TMEM132C: variants seen among roughly 807,000 people sequenced by gnomAD.
TMEM132C encodes the protein protein phosphatase 1, regulatory subunit 152.
TMEM132C carries 29 observed loss-of-function variants against 61.4 expected under a neutral mutation model. The observed-to-expected ratio is 0.47, with a 90% CI of 0.35 to 0.64. The LOEUF is 0.64. TMEM132C is among the 30% of genes least tolerant of loss of function. The pLI is 0.00. For synonymous variants in TMEM132C, 656 were observed against 633.1 expected (o/e 1.04, Z -0.54); for missense variants, 1,408 against 1,476.9 (o/e 0.95, Z 0.76).
chr12:128,501,162 G>A (rs910067227), intron 2 of TMEM132C, among the ~76,000 whole-genome samples: 7 of 151,988 alleles, frequency 4.6e-5, no homozygotes, highest in Non-Finnish European at 1.0e-4. Context: ...TCTGTGGTAC[G>A]CCTATAACTA....
At chr12:128,318,618 C>G (rs1029237792) in intron 1 of TMEM132C, among the ~76,000 whole-genome samples, 1 of 152,302 alleles carries the variant, frequency 6.6e-6, no homozygotes, top group South Asian at 2.1e-4. Flanking sequence ...CTGCTGAGAT[C>G]GCGTCTGTTG....
chr12:128,283,146 T>C (rs1483091162), intron 1 of TMEM132C, among the ~76,000 whole-genome samples: 1 of 152,240 alleles, frequency 6.6e-6, no homozygotes, highest in Non-Finnish European at 1.5e-5. Context: ...TCTTTTGTAC[T>C]CTATGGCTTA....
In TMEM132C at chr12:128,480,623, C is replaced by G. The variant is rs35478532; in HGVS notation, c.975-63334C>G. Among the ~76,000 whole-genome samples, 11 of 152,140 alleles carry G rather than the reference C, an allele frequency of 7.2e-5. 2 individuals are homozygous for G. The highest frequency in any genetic ancestry group is 2.6e-4 in the African/African-American group (11 of 41,578). ...TGGCTGAAGGGAAAGAACAGCTGTC[C>G]TCTGTGAGGACCGCGTCAGAGCTGA... On this transcript the variant is annotated intron_variant, in intron 2 of 8. Transcript: ENST00000435159.
At chr12:128,686,025 A>C (rs975295700) in intron 5 of TMEM132C, among the ~76,000 whole-genome samples, 13 of 144,532 alleles carry the variant, frequency 9.0e-5, no homozygotes, top group South Asian at 6.7e-4. Flanking sequence ...GTGTGCATGC[A>C]TGTGTGTGTG....
intron 3 of TMEM132C, among the ~76,000 whole-genome samples, chr12:128,594,483 T>G (rs1875876566): frequency 6.6e-6 from 1 of 152,008 alleles, no homozygotes; most frequent in African/African-American, 2.4e-5. Context: ...TGGTGGGTGT[T>G]TCTTGAAAGA....
At chr12:128,378,085 A>G (rs1045260621) in intron 1 of TMEM132C, among the ~76,000 whole-genome samples, 2 of 150,366 alleles carry the variant, frequency 1.3e-5, no homozygotes, top group Non-Finnish European at 1.5e-5. Context: ...TTAGAAGATC[A>G]CTTGGAGGTG....
intron 1 of TMEM132C, among the ~76,000 whole-genome samples, chr12:128,342,265 C>T (rs181844578): frequency 2.4e-4 from 36 of 152,226 alleles, no homozygotes; most frequent in Middle Eastern, 6.8e-3. Flanking sequence ...CCTCTGCCTC[C>T]CAAAGTGCTG....
chr12:128,382,378 G>A (rs1874428675), intron 1 of TMEM132C, among the ~76,000 whole-genome samples: 1 of 152,202 alleles, frequency 6.6e-6, no homozygotes. Flanking sequence ...CAAAGATCGA[G>A]ATAGCGCTGA....
intron 3 of TMEM132C, among the ~76,000 whole-genome samples, chr12:128,615,750 G>A (rs549158416): frequency 3.9e-4 from 60 of 152,244 alleles, no homozygotes; most frequent in African/African-American, 1.0e-3. Flanking sequence ...GACTGGTACC[G>A]GTTCATGGCC....
chr12:128,543,984 C>T lies in TMEM132C; in HGVS notation c.1002C>T (p.Ile334=), dbSNP rs765987582. The T allele has an allele frequency of 6.5e-6, 10 of 1,548,242 alleles. No individual in the cohort carries two copies. Among genetic ancestry groups the T allele is most frequent in the Non-Finnish European group, 8.7e-6 (10 of 1,145,586 alleles). ...LRAKVKKGVN[I]LSAQTREPRQ... ...CCAAGGTGAAGAAGGGGGTGAACAT[C>T]CTGAGTGCTCAGACCCGTGAGCCCC... The change falls in exon 3 of 9, where the codon ATC becomes ATT. Residue 334 remains isoleucine, a synonymous_variant. Coordinates refer to ENST00000435159, the MANE Select transcript of TMEM132C (RefSeq NM_001136103.3).
chr12:128,306,383 T>C (rs991971778), intron 1 of TMEM132C, among the ~76,000 whole-genome samples: 3 of 151,974 alleles, frequency 2.0e-5, no homozygotes, highest in Non-Finnish European at 4.4e-5. Flanking sequence ...TTGTATTTTT[T>C]AGTAGAGATG....
At chr12:128,651,731 G>A (rs762165272) in intron 4 of TMEM132C, among the ~76,000 whole-genome samples, 7 of 152,158 alleles carry the variant, frequency 4.6e-5, no homozygotes, top group Non-Finnish European at 8.8e-5. Context: ...GTGAAGGAAG[G>A]TGAGGGTGGA....
In TMEM132C at chr12:128,705,529, G is replaced by A. The variant is rs1031403892; in HGVS notation, c.2561G>A (p.Arg854Gln). 49 of 1,550,860 alleles carry A rather than the reference G, an allele frequency of 3.2e-5. No homozygotes were observed. Among genetic ancestry groups the A allele is most frequent in the Non-Finnish European group, 3.7e-5 (42 of 1,146,990 alleles). ...GTGGAGCGTGAGGAAGGGGCTCTCCGAAGAGCCACTACCACGGCCAGGTCC... is the reference window on the plus strand; with the variant it reads ...GTGGAGCGTGAGGAAGGGGCTCTCCAAAGAGCCACTACCACGGCCAGGTCC... ...SPVEREEGAL[R>Q]RATTTARSLL... is the part of the protein sequence containing the mutation. Residue 854 changes from arginine (R) to glutamine (Q), a missense_variant, in exon 9 of 9, where the codon CGA becomes CAA. Physicochemically the swap from Arg to Gln is conservative, Grantham distance 43 (BLOSUM62 1). Transcript: ENST00000435159.
At chr12:128,657,762 G>T (rs1236810663) in intron 4 of TMEM132C, among the ~76,000 whole-genome samples, 1 of 152,198 alleles carries the variant, frequency 6.6e-6, no homozygotes, top group African/African-American at 2.4e-5. Context: ...GAACCTATTG[G>T]TCTGGTGCAG....
At position 128,621,670 on chromosome 12, in the gene TMEM132C, A is replaced by G. The variant is rs533229428; in HGVS notation, c.1305+5335A>G. On this transcript the variant is annotated intron_variant, in intron 4 of 8. Coordinates refer to ENST00000435159, the MANE Select transcript of TMEM132C (RefSeq NM_001136103.3). ...TTTCGGGAGCCCTGGGACACAATGC[A>G]TCCTCATCTGCCCGGCCTGATGTGT... Among the ~76,000 whole-genome samples the G allele has an allele frequency of 2.7e-3, 406 of 152,240 alleles. 2 individuals are homozygous for G. The highest frequency in any genetic ancestry group is 0.01 in the Middle Eastern group (3 of 294).
At chr12:128,355,618 C>T (rs1873478034) in intron 1 of TMEM132C, among the ~76,000 whole-genome samples, 1 of 151,956 alleles carries the variant, frequency 6.6e-6, no homozygotes, top group African/African-American at 2.4e-5. Context: ...ATCTATAAGG[C>T]ATGCTATGTA....
chr12:128,560,312 G>T (rs1874467447), intron 3 of TMEM132C, among the ~76,000 whole-genome samples: 2 of 152,174 alleles, frequency 1.3e-5, no homozygotes, highest in South Asian at 4.1e-4. Context: ...CCCCAAGCTT[G>T]GTTGTGGCCT....
At chr12:128,618,192 A>T (rs1182702326) in intron 4 of TMEM132C, among the ~76,000 whole-genome samples, 1 of 152,200 alleles carries the variant, frequency 6.6e-6, no homozygotes, top group East Asian at 1.9e-4. Flanking sequence ...AGGATAAGAC[A>T]TTCAAATACT....
At chr12:128,609,742 G>A (rs970106833) in intron 3 of TMEM132C, among the ~76,000 whole-genome samples, 2 of 152,172 alleles carry the variant, frequency 1.3e-5, no homozygotes, top group Non-Finnish European at 2.9e-5. Flanking sequence ...TCATTCCCCT[G>A]GCGTATTGGA....
Sources: gnomAD v4.1 joint callset for allele counts (sites outside exome capture counted in the v4.1 genomes callset) on GRCh38, gnomAD v4.1.1 for gene constraint, MANE v1.5 for transcripts, NCBI Gene and HGNC (gene_info 2026-07-23, HGNC 2026-07-21) for gene names.